MYT1L: variants seen among roughly 807,000 people sequenced by gnomAD.
MYT1L encodes myelin transcription factor 1 like.
A neutral mutation model predicts 126.7 loss-of-function variants in MYT1L; 12 were observed. The ratio of observed to expected loss-of-function variants is 0.09; its 90% CI spans 0.06 to 0.15. MYT1L has a LOEUF of 0.15. Ranked by LOEUF, MYT1L falls within the 10% of genes least tolerant of loss-of-function variation. MYT1L has a pLI of 1.00. For synonymous variants in MYT1L, 541 were observed against 604.2 expected (o/e 0.90, Z 1.53); for missense variants, 979 against 1,585.2 (o/e 0.62, Z 6.49).
chr2:1,913,757 G>A (rs1040117771), intron 11 of MYT1L, among the ~76,000 whole-genome samples: 7 of 152,054 alleles, frequency 4.6e-5, no homozygotes, highest in South Asian at 2.1e-4. Context: ...TGCACTTTAC[G>A]CCTCTCTCCT....
intron 14 of MYT1L, among the ~76,000 whole-genome samples, chr2:1,901,414 T>C (rs139761494): frequency 1.4e-3 from 220 of 152,252 alleles, no homozygotes; most frequent in African/African-American, 4.8e-3. Context: ...GATGAACAAA[T>C]GAGATGACAA....
chr2:2,243,546 T>C (rs2094476533), intron 2 of MYT1L, among the ~76,000 whole-genome samples: 1 of 152,156 alleles, frequency 6.6e-6, no homozygotes, highest in South Asian at 2.1e-4. Context: ...GGTACCTAGT[T>C]GTGTATAATG....
At chr2:1,847,276 C>T (rs1194597475) in intron 19 of MYT1L, among the ~76,000 whole-genome samples, 2 of 152,190 alleles carry the variant, frequency 1.3e-5, no homozygotes, top group Non-Finnish European at 2.9e-5. Flanking sequence ...ATTTCTGGTA[C>T]ATAGCAGGTG....
intron 18 of MYT1L, among the ~76,000 whole-genome samples, chr2:1,871,075 G>A (rs1455519360): frequency 6.6e-6 from 1 of 152,246 alleles, no homozygotes; most frequent in Non-Finnish European, 1.5e-5. Context: ...AGGTGAGACA[G>A]AAGAAGCTGA....
At chr2:2,075,104 G>C (rs1284832942) in intron 3 of MYT1L, among the ~76,000 whole-genome samples, 1 of 152,164 alleles carries the variant, frequency 6.6e-6, no homozygotes, top group Non-Finnish European at 1.5e-5. Context: ...CCACTCCCCT[G>C]GATAGAGAGC....
chr2:2,255,106 G>A (rs990086509), intron 2 of MYT1L, among the ~76,000 whole-genome samples: 4 of 152,160 alleles, frequency 2.6e-5, no homozygotes, highest in Admixed American at 6.6e-5. Flanking sequence ...TATGGAAAGA[G>A]ATAATTTTAT....
chr2:2,115,937 C>T (rs906451077), intron 3 of MYT1L, among the ~76,000 whole-genome samples: 11 of 149,802 alleles, frequency 7.3e-5, no homozygotes, highest in African/African-American at 2.7e-4. Context: ...GTTGAGGAAG[C>T]TGAGGCTGAG....
At chr2:2,285,489 T>C (rs1184368822) in intron 1 of MYT1L, among the ~76,000 whole-genome samples, 3 of 152,248 alleles carry the variant, frequency 2.0e-5, no homozygotes, top group Non-Finnish European at 4.4e-5. Context: ...CCACTAACCA[T>C]ATTCGTTCCA....
At chr2:1,839,068 C>T in intron 21 of MYT1L, 81 bp downstream of exon 21, 2 of 1,271,960 alleles carry the variant, frequency 1.6e-6, no homozygotes, top group Non-Finnish European at 2.2e-6. Flanking sequence ...AAGCTGGCAC[C>T]TGCTGCCGTC....
chr2:2,321,279 C>T (rs771815493), intron 1 of MYT1L, among the ~76,000 whole-genome samples: 7 of 152,284 alleles, frequency 4.6e-5, no homozygotes, highest in Middle Eastern at 3.4e-3. Flanking sequence ...CCGGCAGATG[C>T]GGCACTGATT....
chr2:2,226,882 C>T (rs1354405396), intron 2 of MYT1L, among the ~76,000 whole-genome samples: 2 of 152,200 alleles, frequency 1.3e-5, no homozygotes, highest in Non-Finnish European at 2.9e-5. Context: ...CCAGATAGCA[C>T]TAAGTAGATA....
intron 1 of MYT1L, among the ~76,000 whole-genome samples, chr2:2,321,324 G>T (rs896261910): frequency 2.0e-5 from 3 of 152,280 alleles, no homozygotes; most frequent in Admixed American, 2.0e-4. Flanking sequence ...CAGCTCCAGA[G>T]CAGACTCGGT....
intron 9 of MYT1L, among the ~76,000 whole-genome samples, chr2:1,934,563 A>C (rs2055565206): frequency 6.6e-6 from 1 of 152,090 alleles, no homozygotes. Context: ...TAAAAAAATA[A>C]GAGTCACATT....
chr2:1,975,563 T>C (rs2060105564), intron 8 of MYT1L, among the ~76,000 whole-genome samples: 1 of 152,114 alleles, frequency 6.6e-6, no homozygotes, highest in Non-Finnish European at 1.5e-5. Context: ...ACCCCATCTC[T>C]ACTAAAAATA....
At chr2:2,264,228 G>T (rs1309610486) in intron 2 of MYT1L, among the ~76,000 whole-genome samples, 3 of 152,020 alleles carry the variant, frequency 2.0e-5, no homozygotes, top group African/African-American at 7.2e-5. Flanking sequence ...AGTCTGACTG[G>T]CAAGGACTAT....
intron 18 of MYT1L, among the ~76,000 whole-genome samples, chr2:1,872,661 T>C (rs1231247655): frequency 2.0e-5 from 3 of 152,196 alleles, no homozygotes; most frequent in Admixed American, 2.0e-4. Flanking sequence ...GTGGGATAAA[T>C]TTTAGTTTGT....
At chr2:2,204,655 C>T (rs2148853750) in intron 2 of MYT1L, among the ~76,000 whole-genome samples, 1 of 150,966 alleles carries the variant, frequency 6.6e-6, no homozygotes, top group Non-Finnish European at 1.5e-5. Flanking sequence ...CACTTTTACA[C>T]TGTTGGTGGG....
rs1419669002 is a variant in MYT1L at position 2,199,327 on chromosome 2, T to A, written c.-420-26339A>T. The stretch of plus-strand genomic sequence containing the variant: ...CAGAAAAACTATGCTTACAAAAAAA[T>A]TGTGCGGGACAGACTGCACACTTGG... On this transcript the variant is annotated intron_variant, in intron 2 of 24. Transcript: ENST00000647738. 3.3e-5 allele frequency among the ~76,000 whole-genome samples: 5 copies of A among 152,182 alleles called. No individual in the cohort carries two copies. In the East Asian group the frequency reaches 9.6e-4, roughly 29 times the overall value.
At chr2:2,068,994 C>T (rs945759395) in intron 3 of MYT1L, among the ~76,000 whole-genome samples, 2 of 151,778 alleles carry the variant, frequency 1.3e-5, no homozygotes, top group African/African-American at 4.8e-5. Context: ...GGGACTGGGG[C>T]AGATTTAAGC....
Sources: allele counts gnomAD v4.1 joint callset (sites outside exome capture counted in the v4.1 genomes callset), GRCh38; gene constraint gnomAD v4.1.1; transcripts MANE v1.5; gene names NCBI Gene and HGNC (gene_info 2026-07-23, HGNC 2026-07-21).